MAP3K5: variants seen among roughly 807,000 people sequenced by gnomAD.
MAP3K5 encodes the protein ASK-1.
MAP3K5 carries 56 observed loss-of-function variants against 158.7 expected under a neutral mutation model. That is an observed-to-expected ratio of 0.35 (90% CI 0.28 to 0.44). The LOEUF is 0.44. Ranked by LOEUF, MAP3K5 falls within the 20% of genes least tolerant of loss-of-function variation. The pLI is 1.00. For missense variants in MAP3K5, 1,294 were observed against 1,674.8 expected (o/e 0.77, Z 3.97); for synonymous variants, 579 against 601.7 (o/e 0.96, Z 0.55).
intron 7 of MAP3K5, among the ~76,000 whole-genome samples, chr6:136,683,112 G>C (rs1182670700): frequency 1.3e-5 from 2 of 152,056 alleles, no homozygotes; most frequent in Non-Finnish European, 2.9e-5. Flanking sequence ...TAACACTAAA[G>C]GCTTACTAAA....
chr6:136,687,260 T>G (rs1780188993), intron 7 of MAP3K5, among the ~76,000 whole-genome samples: 1 of 152,138 alleles, frequency 6.6e-6, no homozygotes, highest in African/African-American at 2.4e-5. Flanking sequence ...TTACACCTTA[T>G]ACAAAAATTA....
chr6:136,659,273 T>A lies in MAP3K5; in HGVS notation c.1472A>T (p.His491Leu). 1 of 1,614,140 alleles carries A rather than the reference T, an allele frequency of 6.2e-7. No homozygotes were observed. Residue 491 changes from histidine to leucine, a missense_variant, in exon 9 of 30, where the codon CAC (histidine) becomes CTC (leucine). This residue lies in a region of MAP3K5 where 690 missense variants were observed against 870.5 expected (regional missense o/e 0.79). Coordinates refer to ENST00000359015, the MANE Select transcript of MAP3K5 (RefSeq NM_005923.4). ...TTCAGATGCTTGAATGACTCTCATG[T>A]GGTCATTGGCTAGGACGCTGGCCCC... ...FLGASVLAND[H>L]MRVIQASEKL...
chr6:136,735,378 G>T (rs1782413315), intron 1 of MAP3K5, among the ~76,000 whole-genome samples: 1 of 152,108 alleles, frequency 6.6e-6, no homozygotes, highest in African/African-American at 2.4e-5. Flanking sequence ...TGTGGACCTT[G>T]GTTGGATTCT....
intron 1 of MAP3K5, among the ~76,000 whole-genome samples, chr6:136,737,855 G>C (rs1349882824): frequency 6.6e-6 from 1 of 152,198 alleles, no homozygotes; most frequent in Non-Finnish European, 1.5e-5. Context: ...AGGACAAGGA[G>C]TGGCTGATTC....
intron 7 of MAP3K5, among the ~76,000 whole-genome samples, chr6:136,690,465 C>A (rs1334888481): frequency 6.6e-6 from 1 of 152,110 alleles, no homozygotes; most frequent in African/African-American, 2.4e-5. Flanking sequence ...TATGGCACAA[C>A]CAGCAGGCAT....
chr6:136,792,460 C>T lies in MAP3K5; in HGVS notation c.-303G>A. 1 of 880,038 alleles carries T rather than the reference C, an allele frequency of 1.1e-6. No individual in the cohort carries two copies. The highest frequency in any genetic ancestry group is 1.4e-6 in the Non-Finnish European group (1 of 734,306). The allele number at this position is 880,038 out of a possible 1,614,324, so 54.5% of individuals were successfully genotyped here. On this transcript the variant is annotated 5_prime_UTR_variant, in exon 1 of 30. Coordinates refer to ENST00000359015, the MANE Select transcript of MAP3K5 (RefSeq NM_005923.4). This position sits in a 1 kb window ranked among gnomAD's most constrained non-coding sequence, Gnocchi z 5.7. ...AGGGACGGAGCTTCCTTTTCTTGGC[C>T]GGCTGACAAGTCGGCTCGCAAACCT...
At chr6:136,649,968 C>A (rs368903620) in intron 11 of MAP3K5, among the ~76,000 whole-genome samples, 34 of 152,272 alleles carry the variant, frequency 2.2e-4, no homozygotes, top group African/African-American at 7.5e-4. Context: ...AACTGCAAGC[C>A]CATACTCCCA....
chr6:136,637,258 T>C, intron 14 of MAP3K5, 67 bp downstream of exon 14: 1 of 1,361,950 alleles, frequency 7.3e-7, no homozygotes, highest in Non-Finnish European at 1.1e-6. Flanking sequence ...GCCTCCTGCC[T>C]CAGTAAGGCT....
chr6:136,641,351 C>T (rs1056655691), intron 12 of MAP3K5, among the ~76,000 whole-genome samples: 3 of 152,076 alleles, frequency 2.0e-5, no homozygotes, highest in Admixed American at 1.3e-4. Flanking sequence ...TATTGCATAA[C>T]CAGGCTGCAA....
At chr6:136,760,375 C>T (rs1279191159) in intron 1 of MAP3K5, among the ~76,000 whole-genome samples, 1 of 152,172 alleles carries the variant, frequency 6.6e-6, no homozygotes, top group East Asian at 1.9e-4. Context: ...AATTAGCTCT[C>T]TCTTTGGGCC....
intron 1 of MAP3K5, among the ~76,000 whole-genome samples, chr6:136,778,803 GTTT>G (rs913477975): frequency 4.6e-5 from 7 of 152,154 alleles, no homozygotes; most frequent in African/African-American, 1.7e-4. Context: ...CAGGGTCTCA[GTTT>G]TTGTTTCCCC....
chr6:136,716,500 T>G (rs1781535088), intron 2 of MAP3K5, among the ~76,000 whole-genome samples: 1 of 152,142 alleles, frequency 6.6e-6, no homozygotes, highest in East Asian at 1.9e-4. Context: ...AGCTGAGAGC[T>G]GGTGTTATAA....
chr6:136,711,424 G>T (rs1337885845), intron 2 of MAP3K5, among the ~76,000 whole-genome samples: 3 of 152,092 alleles, frequency 2.0e-5, no homozygotes, highest in Non-Finnish European at 2.9e-5. Flanking sequence ...CAGCACTTTG[G>T]GAGGCAGAGG....
chr6:136,571,931 C>T (rs1230201824), intron 25 of MAP3K5, among the ~76,000 whole-genome samples: 2 of 152,186 alleles, frequency 1.3e-5, no homozygotes, highest in African/African-American at 4.8e-5. Flanking sequence ...TTAAGGCTAA[C>T]CAAACTTCAC....
intron 25 of MAP3K5, among the ~76,000 whole-genome samples, chr6:136,568,211 GAATATTTAAAAGTGTTTATAC>G (rs1479598328): frequency 6.6e-6 from 1 of 152,174 alleles, no homozygotes; most frequent in Non-Finnish European, 1.5e-5. Context: ...AACCTTTTAA[GAATATTTAAAAGTGTTTATAC>G]AAGTAAAGTT....
chr6:136,620,930 G>T (rs888788646), intron 15 of MAP3K5, among the ~76,000 whole-genome samples: 10 of 152,202 alleles, frequency 6.6e-5, no homozygotes, highest in Admixed American at 5.2e-4. Context: ...TCAGTTTCCT[G>T]AACATTTTTG....
At chr6:136,687,415 T>C (rs1425023989) in intron 7 of MAP3K5, among the ~76,000 whole-genome samples, 1 of 152,068 alleles carries the variant, frequency 6.6e-6, no homozygotes, top group African/African-American at 2.4e-5. Context: ...AAAGCCAAAA[T>C]AGACAAATGG....
intron 24 of MAP3K5, 79 bp downstream of exon 24, chr6:136,583,476 A>G (rs1453867415): frequency 7.6e-7 from 1 of 1,312,610 alleles, no homozygotes; most frequent in African/African-American, 1.5e-5. Context: ...TAAAAGAAAA[A>G]TAACAGAACT....
At chr6:136,710,284 T>A (rs1039362686) in intron 2 of MAP3K5, among the ~76,000 whole-genome samples, 1 of 152,184 alleles carries the variant, frequency 6.6e-6, no homozygotes, top group Non-Finnish European at 1.5e-5. Flanking sequence ...CAAGTACCTA[T>A]GAATAAGAAG....
Sources: allele counts gnomAD v4.1 joint callset (sites outside exome capture counted in the v4.1 genomes callset), GRCh38; gene constraint gnomAD v4.1.1; regional missense constraint gnomAD v4.1.1; non-coding constraint Gnocchi (gnomAD v3.1); transcripts MANE v1.5; gene names NCBI Gene and HGNC (gene_info 2026-07-23, HGNC 2026-07-21).